CFAP92: variants seen among roughly 807,000 people sequenced by gnomAD.
The protein encoded by CFAP92 is uncharacterized protein CFAP92.
In CFAP92, 86 loss-of-function variants were observed where a neutral mutation model predicts 106.3. That is an observed-to-expected ratio of 0.81 (90% CI 0.68 to 0.97). The LOEUF is 0.97. CFAP92 is among the 50% of genes least tolerant of loss of function. CFAP92 has a pLI of 0.00. For missense variants in CFAP92, 1,204 were observed against 1,283.8 expected (o/e 0.94, Z 0.95); for synonymous variants, 477 against 506.4 (o/e 0.94, Z 0.78).
At position 128,916,171 on chromosome 3, in the gene CFAP92, T is replaced by C. The variant is rs1436668026; in HGVS notation, c.2852A>G (p.Tyr951Cys). ...TGTAGAATTCATGGTCTGGGTACTA[T>C]AGTTGTAGACGGCCTTGTTGGCAGG... ...SAPANKAVYNYSTQTMNSTEL... is the reference protein window; with the variant it reads ...SAPANKAVYNCSTQTMNSTEL... Residue 951 changes from tyrosine to cysteine, a missense_variant, in exon 13 of 16, where the codon TAT becomes TGT. By Grantham distance (194) the Tyr-to-Cys change is radical. Transcript: ENST00000645291. 8.1e-7 allele frequency: 1 copy of C among 1,232,182 alleles called. No individual in the cohort carries two copies. 76.3% of individuals were successfully genotyped at this position (1,232,182 alleles called of 1,614,324 possible). A position where few individuals can be genotyped will look rare whatever the true frequency, so the allele number is the denominator to read the frequency against.
chr3:128,975,816 G>A lies in CFAP92; in HGVS notation c.984C>T (p.Ser328=). The A allele has an allele frequency of 2.5e-6, 4 of 1,606,368 alleles. No individual in the cohort carries two copies. The highest frequency in any genetic ancestry group is 3.4e-6 in the Non-Finnish European group (4 of 1,176,104). ...IKELIESESL[S]SLTNILDRQR... is the part of the protein sequence containing the mutation. ...GTCTGTCTAATATGTTTGTTAAGCT[G>A]CTAAGTGATTCACTCTCAATTAATT... Residue 328 remains serine (S), a synonymous_variant, in exon 7 of 16, where the codon AGC becomes AGT. Coordinates refer to ENST00000645291, the MANE Select transcript of CFAP92 (RefSeq NM_001394090.1).
At chr3:128,941,708 C>T (rs904276638) in intron 10 of CFAP92, among the ~76,000 whole-genome samples, 4 of 152,188 alleles carry the variant, frequency 2.6e-5, no homozygotes, top group East Asian at 1.9e-4. Flanking sequence ...AACTCCTGAC[C>T]TCAGGCGATC....
intron 4 of CFAP92, 92 bp from the exon 5 acceptor site, chr3:128,978,277 C>T (rs538804112): frequency 3.0e-5 from 41 of 1,384,576 alleles, no homozygotes; most frequent in East Asian, 6.9e-5. Context: ...AGACACTGGG[C>T]GTTCGGTTTC....
chr3:128,914,831 C>T (rs1341140043), intron 15 of CFAP92: 1 of 398,914 alleles, frequency 2.5e-6, no homozygotes, highest in Non-Finnish European at 4.6e-6. Flanking sequence ...AGCCTTTAGA[C>T]CTGTCTTCCA....
At chr3:128,945,998 C>G in intron 9 of CFAP92, 23 bp from the exon 10 acceptor site, 1 of 1,407,496 alleles carries the variant, frequency 7.1e-7, no homozygotes, top group East Asian at 2.6e-5. Flanking sequence ...AGGGCCACAG[C>G]AGGTCACCCA....
chr3:128,946,093 T>C (rs1049356660), intron 9 of CFAP92, 118 bp from the exon 10 acceptor site: 2 of 642,868 alleles, frequency 3.1e-6, no homozygotes, highest in Non-Finnish European at 4.9e-6. Flanking sequence ...GCCCAAGTTT[T>C]CTCATCCACA....
chr3:128,951,590 A>G lies in CFAP92; in HGVS notation c.1354-5615T>C, dbSNP rs537684154. On this transcript the variant is annotated intron_variant, in intron 9 of 15. Coordinates refer to ENST00000645291, the MANE Select transcript of CFAP92 (RefSeq NM_001394090.1). ...ATCCTGGGTCTTCTATTTGCCTCAT[A>G]TATTCCGGACTGAGTGCTGGAGAAG... Among the ~76,000 whole-genome samples the G allele has an allele frequency of 9.5e-4, 144 of 152,324 alleles. 1 individual carries two copies. Among genetic ancestry groups the G allele is most frequent in the Middle Eastern group, 3.4e-3 (1 of 294 alleles).
At chr3:128,969,842 C>A in intron 8 of CFAP92, 1 of 152,280 alleles carries the variant, frequency 6.6e-6, no homozygotes, top group Non-Finnish European at 1.5e-5. Context: ...TGGGGTAAGA[C>A]CCTCTGAAAG....
the CFAP92 span, among the ~76,000 whole-genome samples, chr3:129,023,310 CTTT>C: frequency 1.0e-4 from 14 of 138,130 alleles, no homozygotes; most frequent in African/African-American, 1.1e-4. Flanking sequence ...CCTCTTGCTT[CTTT>C]TTTTTTTTTT....
intron 9 of CFAP92, among the ~76,000 whole-genome samples, chr3:128,951,509 A>AT (rs893685471): frequency 1.3e-5 from 2 of 148,896 alleles, no homozygotes; most frequent in South Asian, 2.1e-4. Context: ...TTGTATATAT[A>AT]AAAAAAAAAT....
chr3:128,921,637 C>T (rs992084792), intron 12 of CFAP92, among the ~76,000 whole-genome samples: 1 of 152,196 alleles, frequency 6.6e-6, no homozygotes, highest in African/African-American at 2.4e-5. Context: ...AATCAAAAGG[C>T]AAAAACTACC....
intron 10 of CFAP92, among the ~76,000 whole-genome samples, chr3:128,943,671 G>A (rs911053612): frequency 6.6e-6 from 1 of 151,958 alleles, no homozygotes; most frequent in Non-Finnish European, 1.5e-5. Flanking sequence ...GAGTAGCTGG[G>A]ATTACAGGCA....
At chr3:128,993,407 C>T in intron 1 of CFAP92, 71 bp from the exon 2 acceptor site, 1 of 1,462,222 alleles carries the variant, frequency 6.8e-7, no homozygotes, top group East Asian at 2.5e-5. Flanking sequence ...GCCCGGCCTC[C>T]TGCAGAAGCA....
chr3:128,931,535 A>G (rs1938393518), intron 12 of CFAP92, among the ~76,000 whole-genome samples: 1 of 149,224 alleles, frequency 6.7e-6, no homozygotes, highest in African/African-American at 2.5e-5. Flanking sequence ...GTGTATATAT[A>G]TATATATATT....
intron 1 of CFAP92, among the ~76,000 whole-genome samples, chr3:128,999,475 T>C (rs966683078): frequency 2.0e-5 from 3 of 151,542 alleles, no homozygotes; most frequent in Non-Finnish European, 2.9e-5. Flanking sequence ...GGGGAGGGTG[T>C]TGCACTCTTG....
intron 11 of CFAP92, among the ~76,000 whole-genome samples, chr3:128,934,582 G>A (rs983149768): frequency 2.0e-5 from 3 of 151,992 alleles, no homozygotes; most frequent in South Asian, 2.1e-4. Flanking sequence ...CCAGGCTGGA[G>A]TACAGTGGCT....
At chr3:128,960,212 A>C (rs1026105064) in intron 9 of CFAP92, among the ~76,000 whole-genome samples, 1 of 152,204 alleles carries the variant, frequency 6.6e-6, no homozygotes, top group African/African-American at 2.4e-5. Context: ...TGCTCACACA[A>C]AGCCTGTTTG....
At chr3:128,912,826 G>C in intron 15 of CFAP92, 1 of 702,374 alleles carries the variant, frequency 1.4e-6, no homozygotes, top group African/African-American at 1.7e-5. Flanking sequence ...TCTGAACTGA[G>C]CCGGAGAGAG....
At chr3:128,911,247 A>C (rs768980328) in intron 15 of CFAP92, among the ~76,000 whole-genome samples, 4 of 152,072 alleles carry the variant, frequency 2.6e-5, no homozygotes, top group African/African-American at 9.7e-5. Context: ...TAGTAGAAAC[A>C]GGGTTTCACC....
Sources: allele counts gnomAD v4.1 joint callset (sites outside exome capture counted in the v4.1 genomes callset), GRCh38; gene constraint gnomAD v4.1.1; transcripts MANE v1.5; gene names NCBI Gene and HGNC (gene_info 2026-07-23, HGNC 2026-07-21).